GRIK1: variants seen among roughly 807,000 people sequenced by gnomAD.
GRIK1 encodes glutamate ionotropic receptor kainate type subunit 1.
GRIK1 carries 69 observed loss-of-function variants against 105.7 expected under a neutral mutation model. That is an observed-to-expected ratio of 0.65 (90% CI 0.54 to 0.80). The LOEUF is 0.80. Ranked by LOEUF, GRIK1 falls within the 30% of genes least tolerant of loss-of-function variation. The probability of loss-of-function intolerance (pLI) is 0.00; values close to 1 mark genes in which losing one functional copy is unlikely to be tolerated. For synonymous variants in GRIK1, 438 were observed against 431.3 expected (o/e 1.02, Z -0.19); for missense variants, 1,109 against 1,167.3 (o/e 0.95, Z 0.73).
At chr21:29,623,302 A>G (rs549337985) in intron 7 of GRIK1, among the ~76,000 whole-genome samples, 1 of 152,168 alleles carries the variant, frequency 6.6e-6, no homozygotes, top group Admixed American at 6.5e-5. Context: ...ACCCACCCTC[A>G]TGATTCAATT....
At chr21:29,568,286 C>T (rs1337141794) in intron 14 of GRIK1, among the ~76,000 whole-genome samples, 2 of 152,176 alleles carry the variant, frequency 1.3e-5, no homozygotes, top group African/African-American at 4.8e-5. Flanking sequence ...CCTTCCTATG[C>T]AGAGTATTTG....
chr21:29,811,816 C>G (rs2067016393), intron 1 of GRIK1, among the ~76,000 whole-genome samples: 1 of 152,204 alleles, frequency 6.6e-6, no homozygotes, highest in Non-Finnish European at 1.5e-5. Flanking sequence ...TCTGCTGAAG[C>G]CATGCTGGCC....
In GRIK1 at chr21:29,560,511, CCTTCCTTCCTTTCTTT is replaced by C. The variant is rs1196775156; in HGVS notation, c.2356+1097_2356+1112del. 3.6e-3 allele frequency among the ~76,000 whole-genome samples: 145 copies of C among 40,200 alleles called. 16 individuals carry two copies. The highest frequency in any genetic ancestry group is 8.9e-3 in the African/African-American group (63 of 7,104). 26.4% of individuals were successfully genotyped at this position (40,200 alleles called of 152,430 possible). A position where few individuals can be genotyped will look rare whatever the true frequency, so the allele number is the denominator to read the frequency against. On this transcript the variant is annotated intron_variant, in intron 15 of 17. Coordinates refer to ENST00000327783, the MANE Select transcript of GRIK1 (RefSeq NM_001330994.2). Reference sequence around the variant, plus strand: ...TCTTTCTTTCTTTCCTTCCTTCCTTCCTTCCTTCCTTTCTTTCTTTCTTTCTTTCTTTCTTTCTTTC... The same window carrying C: ...TCTTTCTTTCTTTCCTTCCTTCCTTCCTTTCTTTCTTTCTTTCTTTCTTTC...
chr21:29,732,133 T>A lies in GRIK1; in HGVS notation c.119-38070A>T, dbSNP rs564408185. ...ACGACCGTTGTAATTTAAACTGCGT[T>A]TGGATTTCTACCTAAAGTAGGGTAA... On this transcript the variant is annotated intron_variant, in intron 1 of 17. Coordinates refer to ENST00000327783, the MANE Select transcript of GRIK1 (RefSeq NM_001330994.2). 5.3e-5 allele frequency among the ~76,000 whole-genome samples: 8 copies of A among 152,348 alleles called. No homozygotes were observed. In the South Asian group the frequency reaches 1.7e-3, roughly 32 times the overall value.
intron 1 of GRIK1, among the ~76,000 whole-genome samples, chr21:29,734,373 T>A (rs1233623261): frequency 4.6e-5 from 2 of 43,340 alleles, no homozygotes; most frequent in Non-Finnish European, 1.2e-4. Context: ...TTTCTTTTCT[T>A]TTCTTTTCTT....
intron 1 of GRIK1, among the ~76,000 whole-genome samples, chr21:29,780,430 CAT>C (rs1409861530): frequency 1.3e-5 from 2 of 152,080 alleles, no homozygotes; most frequent in Admixed American, 1.3e-4. Flanking sequence ...TTTAGGAAGG[CAT>C]ATATATTCTG....
chr21:29,587,961 A>ATGCTTTT (rs2091166331), intron 11 of GRIK1, among the ~76,000 whole-genome samples: 1 of 81,836 alleles, frequency 1.2e-5, no homozygotes, highest in Non-Finnish European at 2.4e-5. Context: ...AAACTTTAAA[A>ATGCTTTT]TTCTTTTTTT....
intron 7 of GRIK1, among the ~76,000 whole-genome samples, chr21:29,638,974 C>T (rs560852686): frequency 4.6e-5 from 7 of 152,174 alleles, no homozygotes; most frequent in Non-Finnish European, 8.8e-5. Flanking sequence ...ACTAAGTTCA[C>T]ACTGACAGCA....
At position 29,717,219 on chromosome 21, in the gene GRIK1, T is replaced by A. The variant is rs533880595; in HGVS notation, c.119-23156A>T. Among the ~76,000 whole-genome samples, 3 of 152,282 alleles carry A rather than the reference T, an allele frequency of 2.0e-5. 1 individual carries two copies. The highest frequency in any genetic ancestry group is 7.2e-5 in the African/African-American group (3 of 41,568). Reference sequence around the variant, plus strand: ...CTAGGGGTGGACCCCTCATGGAGAATCTCTGCTAGGGCAGTGTGGAAGGGA... The same window carrying A: ...CTAGGGGTGGACCCCTCATGGAGAAACTCTGCTAGGGCAGTGTGGAAGGGA... On this transcript the variant is annotated intron_variant, in intron 1 of 17. Coordinates refer to ENST00000327783, the MANE Select transcript of GRIK1 (RefSeq NM_001330994.2).
chr21:29,707,484 CTTTG>C (rs1401863613), intron 1 of GRIK1, among the ~76,000 whole-genome samples: 1 of 121,400 alleles, frequency 8.2e-6, no homozygotes, highest in Non-Finnish European at 1.7e-5. Flanking sequence ...CTCTCTTTCT[CTTTG>C]TTTGTTTCCT....
chr21:29,575,437 C>T (rs901719616), intron 14 of GRIK1, among the ~76,000 whole-genome samples: 4 of 151,920 alleles, frequency 2.6e-5, no homozygotes, highest in Non-Finnish European at 5.9e-5. Flanking sequence ...CTTATACCTC[C>T]TAAATCTATA....
intron 11 of GRIK1, among the ~76,000 whole-genome samples, chr21:29,587,964 C>CTTTTTTTTTTTTTTTTTTTTTTTTTTTT (rs568648777): frequency 4.6e-5 from 3 of 65,406 alleles, no homozygotes; most frequent in African/African-American, 6.6e-5. Context: ...CTTTAAAATT[C>CTTTTTTTTTTTTTTTTTTTTTTTTTTTT]TTTTTTTTTT....
intron 1 of GRIK1, among the ~76,000 whole-genome samples, chr21:29,913,396 A>G (rs531314249): frequency 1.1e-4 from 17 of 152,192 alleles, no homozygotes; most frequent in African/African-American, 4.1e-4. Context: ...ATACTTATGT[A>G]CTTTTATGTA....
chr21:29,726,373 T>C (rs1188685990), intron 1 of GRIK1, among the ~76,000 whole-genome samples: 2 of 152,182 alleles, frequency 1.3e-5, no homozygotes, highest in Admixed American at 1.3e-4. Context: ...TGCCTAATTA[T>C]ATATTAAACA....
intron 1 of GRIK1, among the ~76,000 whole-genome samples, chr21:29,819,590 A>T (rs2067243949): frequency 6.6e-6 from 1 of 152,024 alleles, no homozygotes; most frequent in African/African-American, 2.4e-5. Flanking sequence ...ATCAAATTGC[A>T]TTCAACCCTG....
chr21:29,698,432 A>G (rs1311263920), intron 1 of GRIK1, among the ~76,000 whole-genome samples: 5 of 152,154 alleles, frequency 3.3e-5, no homozygotes, highest in African/African-American at 1.2e-4. Context: ...CAGGACTGAG[A>G]GCTCAGGATG....
At chr21:29,698,058 T>G (rs1245578391) in intron 1 of GRIK1, among the ~76,000 whole-genome samples, 1 of 151,496 alleles carries the variant, frequency 6.6e-6, no homozygotes, top group African/African-American at 2.4e-5. Flanking sequence ...TCTCCCTCCC[T>G]TCCTCCATTC....
intron 12 of GRIK1, among the ~76,000 whole-genome samples, chr21:29,585,814 C>T (rs1286031221): frequency 6.6e-6 from 1 of 152,150 alleles, no homozygotes; most frequent in Non-Finnish European, 1.5e-5. Flanking sequence ...CAAAGGTAAA[C>T]AATTTATTTT....
intron 1 of GRIK1, among the ~76,000 whole-genome samples, chr21:29,850,728 T>A (rs1365702239): frequency 6.6e-6 from 1 of 152,192 alleles, no homozygotes; most frequent in African/African-American, 2.4e-5. Context: ...CCAAAACTAC[T>A]TTTTTCATTT....
Sources: gnomAD v4.1 joint callset for allele counts (sites outside exome capture counted in the v4.1 genomes callset) on GRCh38, gnomAD v4.1.1 for gene constraint, MANE v1.5 for transcripts, NCBI Gene and HGNC (gene_info 2026-07-23, HGNC 2026-07-21) for gene names.